The following PLD5 variants were observed in gnomAD, a reference collection of about 807,000 sequenced individuals.
The protein encoded by PLD5 is phospholipase D family member 5.
Under a neutral mutation model 61.1 loss-of-function variants are expected in PLD5, and 36 were observed. The ratio of observed to expected loss-of-function variants is 0.59; its 90% CI spans 0.45 to 0.78. The LOEUF (loss-of-function observed/expected upper bound fraction) is 0.78. PLD5 is among the 30% of genes least tolerant of loss of function. The probability of loss-of-function intolerance (pLI) is 0.00; values close to 1 mark genes in which losing one functional copy is unlikely to be tolerated. For synonymous variants in PLD5, 243 were observed against 242.8 expected, an observed-to-expected ratio of 1.00 and a Z score of -0.01; for missense variants, 515 against 644.4, an observed-to-expected ratio of 0.80 and a Z score of 2.17.
At chr1:242,258,945 C>T (rs1313490683) in intron 4 of PLD5, among the ~76,000 whole-genome samples, 1 of 152,144 alleles carries the variant, frequency 6.6e-6, no homozygotes, top group East Asian at 1.9e-4. Flanking sequence ...GTTTTCTCTA[C>T]CAAACTCTGA....
chr1:242,369,243 G>T (rs1423702092), intron 1 of PLD5, among the ~76,000 whole-genome samples: 1 of 152,164 alleles, frequency 6.6e-6, no homozygotes, highest in East Asian at 1.9e-4. Context: ...AAAATATTGA[G>T]AACTGTAATG....
intron 2 of PLD5, among the ~76,000 whole-genome samples, chr1:242,301,307 C>A (rs1272347971): frequency 1.3e-5 from 2 of 152,238 alleles, no homozygotes; most frequent in Non-Finnish European, 2.9e-5. Context: ...ATCATTTGGC[C>A]TGCATCTGCT....
At chr1:242,307,344 A>G (rs1399608468) in intron 2 of PLD5, among the ~76,000 whole-genome samples, 3 of 75,190 alleles carry the variant, frequency 4.0e-5, no homozygotes, top group Admixed American at 1.6e-4. Flanking sequence ...CAAAACGATG[A>G]TGACGGTGAT....
At chr1:242,423,149 C>A (rs1665239505) in intron 1 of PLD5, among the ~76,000 whole-genome samples, 1 of 152,094 alleles carries the variant, frequency 6.6e-6, no homozygotes, top group Admixed American at 6.6e-5. Flanking sequence ...CTGCATCCAG[C>A]TTTAAAGCAT....
intron 2 of PLD5, among the ~76,000 whole-genome samples, chr1:242,342,542 G>A (rs1332709330): frequency 1.3e-5 from 2 of 152,220 alleles, no homozygotes; most frequent in Admixed American, 6.5e-5. Flanking sequence ...CAGGATGCAT[G>A]CAACCTAAAC....
intron 1 of PLD5, among the ~76,000 whole-genome samples, chr1:242,520,731 C>A (rs1467100094): frequency 6.6e-6 from 1 of 152,182 alleles, no homozygotes; most frequent in Admixed American, 6.5e-5. Context: ...CCAAAGGATG[C>A]CAGCCTAACG....
At chr1:242,349,043 G>A (rs967268741) in intron 1 of PLD5, among the ~76,000 whole-genome samples, 1 of 152,162 alleles carries the variant, frequency 6.6e-6, no homozygotes, top group South Asian at 2.1e-4. Flanking sequence ...GACAGAGCGA[G>A]ACTCCATCTC....
At chr1:242,462,476 G>A (rs866529584) in intron 1 of PLD5, among the ~76,000 whole-genome samples, 1 of 152,070 alleles carries the variant, frequency 6.6e-6, no homozygotes, top group Non-Finnish European at 1.5e-5. Context: ...CTAGAGTGGG[G>A]AGGGAGGAAC....
At chr1:242,354,069 T>C (rs528534590) in intron 1 of PLD5, among the ~76,000 whole-genome samples, 2 of 152,056 alleles carry the variant, frequency 1.3e-5, no homozygotes, top group South Asian at 2.1e-4. Flanking sequence ...GAAGACTTAC[T>C]TCCTGGTCAC....
At chr1:242,525,005 A>T (rs535426285), upstream of PLD5, among the ~76,000 whole-genome samples, 1 of 152,236 alleles carries the variant, frequency 6.6e-6, no homozygotes, top group Non-Finnish European at 1.5e-5. Context: ...GGAGACACTC[A>T]GGAAACCACC....
At chr1:242,308,686 A>T (rs986479151) in intron 2 of PLD5, among the ~76,000 whole-genome samples, 3 of 152,204 alleles carry the variant, frequency 2.0e-5, no homozygotes, top group African/African-American at 7.2e-5. Context: ...ATTAAATTCG[A>T]AACCTCTGAA....
At chr1:242,098,591 A>T (rs950832929) in intron 9 of PLD5, among the ~76,000 whole-genome samples, 1 of 151,990 alleles carries the variant, frequency 6.6e-6, no homozygotes, top group African/African-American at 2.4e-5. Flanking sequence ...GCTTTGTTCC[A>T]TTGCTGGTGA....
intron 2 of PLD5, among the ~76,000 whole-genome samples, chr1:242,289,188 T>A (rs542473049): frequency 6.6e-6 from 1 of 152,236 alleles, no homozygotes; most frequent in Non-Finnish European, 1.5e-5. Context: ...TTGTTTTCTC[T>A]TTTTATACTT....
At chr1:242,288,237 A>G (rs1675143661) in intron 3 of PLD5, 125 bp downstream of exon 3, 2 of 1,342,922 alleles carry the variant, frequency 1.5e-6, no homozygotes, top group Admixed American at 2.5e-5. Flanking sequence ...AATAATGTAC[A>G]TGTACTCTGG....
Position 242,087,836 on chromosome 1 carries a change from A to G in PLD5, c.*2018T>C, listed in dbSNP as rs1659544141. On this transcript the variant is annotated 3_prime_UTR_variant, in exon 10 of 10. Transcript: ENST00000536534. ...CTCCCAACTCAAATATGGATTGTGT[A>G]TATGGTAAATATTTAGAGTCTTAGG... The G allele has an allele frequency of 6.6e-6, 1 of 152,228 alleles. No homozygotes were observed. Among genetic ancestry groups the G allele is most frequent in the Admixed American group, 6.5e-5 (1 of 15,288 alleles). 9.4% of individuals were successfully genotyped at this position (152,228 alleles called of 1,614,324 possible).
rs182161060 is a variant in PLD5, at chr1:242,366,407, G to A, written c.190-18165C>T. 7.9e-5 allele frequency among the ~76,000 whole-genome samples: 12 copies of A among 152,184 alleles called. No homozygotes were observed. In the East Asian group the frequency reaches 2.3e-3, roughly 29 times the overall value. ...TCTTATTTTCCCATGCCTAACTAAA[G>A]TGATCTCAATGGCACTAAAGGATGT... On this transcript the variant is annotated intron_variant, in intron 1 of 9. Transcript: ENST00000536534.
chr1:242,215,043 ATT>A (rs34759131), intron 5 of PLD5, among the ~76,000 whole-genome samples: 12,733 of 120,668 alleles, frequency 0.11, 728 homozygotes, highest in South Asian at 0.25. Flanking sequence ...TGCCTGGCCA[ATT>A]TTTTTTTTTT....
At chr1:242,386,556 C>T (rs1264030245) in intron 1 of PLD5, among the ~76,000 whole-genome samples, 1 of 152,098 alleles carries the variant, frequency 6.6e-6, no homozygotes, top group East Asian at 1.9e-4. Context: ...GCAAATGTGT[C>T]CCAAGCATCA....
intron 1 of PLD5, among the ~76,000 whole-genome samples, chr1:242,504,103 A>AT (rs1279972033): frequency 6.6e-6 from 1 of 152,086 alleles, no homozygotes; most frequent in East Asian, 1.9e-4. Context: ...TTCTTCTCTC[A>AT]TAAAAAAAAA....
Sources: gnomAD v4.1 joint callset for allele counts (sites outside exome capture counted in the v4.1 genomes callset) on GRCh38, gnomAD v4.1.1 for gene constraint, MANE v1.5 for transcripts, NCBI Gene and HGNC (gene_info 2026-07-23, HGNC 2026-07-21) for gene names.